VPS8: variants seen among roughly 807,000 people sequenced by gnomAD.
VPS8 encodes VPS8 subunit of CORVET complex, also known as vacuolar protein sorting-associated protein 8 homolog.
In VPS8, 129 loss-of-function variants were observed where a neutral mutation model predicts 216.4. That is an observed-to-expected ratio of 0.60 (90% CI 0.52 to 0.69). The LOEUF is 0.69. Among genes scored for constraint, VPS8 ranks in the 30% least tolerant of loss-of-function variants. The pLI is 0.00. For synonymous variants in VPS8, 571 were observed against 565.4 expected (o/e 1.01, Z -0.14); for missense variants, 1,531 against 1,683.5 (o/e 0.91, Z 1.59).
intron 46 of VPS8, among the ~76,000 whole-genome samples, chr3:185,028,160 G>A (rs1353423273): frequency 6.6e-6 from 1 of 151,920 alleles, no homozygotes; most frequent in Non-Finnish European, 1.5e-5. Context: ...TCTTAATTTG[G>A]GCCATTGACC....
At chr3:184,991,371 C>G (rs1323711334) in intron 42 of VPS8, among the ~76,000 whole-genome samples, 1 of 152,198 alleles carries the variant, frequency 6.6e-6, no homozygotes, top group Non-Finnish European at 1.5e-5. Context: ...ATTTGAAGAG[C>G]TAGTGGGTTG....
intron 15 of VPS8, among the ~76,000 whole-genome samples, chr3:184,861,029 A>G (rs1017395417): frequency 5.3e-5 from 8 of 152,040 alleles, no homozygotes; most frequent in Admixed American, 3.3e-4. Context: ...TCACCGTGTT[A>G]GCCAGGATGG....
intron 25 of VPS8, among the ~76,000 whole-genome samples, chr3:184,911,307 A>G (rs1736489524): frequency 1.3e-5 from 2 of 152,244 alleles, no homozygotes; most frequent in African/African-American, 2.4e-5. Flanking sequence ...GGAGATGGGT[A>G]AGTTAAACAA....
chr3:184,829,676 T>C (rs1168612873), intron 3 of VPS8, among the ~76,000 whole-genome samples: 1 of 152,234 alleles, frequency 6.6e-6, no homozygotes, highest in African/African-American at 2.4e-5. Flanking sequence ...ACTATATCCT[T>C]GTAAACGTTT....
At chr3:184,901,736 C>T (rs1291813761) in intron 25 of VPS8, among the ~76,000 whole-genome samples, 1 of 152,144 alleles carries the variant, frequency 6.6e-6, no homozygotes, top group Admixed American at 6.5e-5. Flanking sequence ...TTCTCTTACC[C>T]TCCATTCCTG....
rs1387093396 is a variant in VPS8, at chr3:184,996,501, G to A, written c.3836G>A (p.Ser1279Asn). The A allele has an allele frequency of 6.3e-7, 1 of 1,599,054 alleles. No individual in the cohort carries two copies. The change falls in exon 44 of 48, where the codon AGC (serine) becomes AAC (asparagine). Residue 1279 changes from serine (S) to asparagine (N), a missense_variant and splice_region_variant. This residue lies in a region of VPS8 where 1,318 missense variants were observed against 1,468.4 expected (regional missense o/e 0.90). Transcript: ENST00000625842. ...ATGGCTGATGAAATAATTGTCTTTA[G>A]GTAAGAAAGGGAAGGAAATGTTACA... The part of the protein sequence containing the change: ...QEMADEIIVF[S>N]CGHLYHSFCL...
At position 184,872,504 on chromosome 3, in the gene VPS8, TTAG is replaced by T. The variant is rs543324956; in HGVS notation, c.1734+1705_1734+1707del. The stretch of plus-strand genomic sequence containing the variant: ...AGAGATGCATTACTACTAACAGATG[TTAG>T]TAGTAATGTGCTCTGTAACCATCTA... On this transcript the variant is annotated intron_variant, in intron 21 of 47. Coordinates refer to ENST00000625842, the MANE Select transcript of VPS8 (RefSeq NM_001009921.3). 7.9e-5 allele frequency among the ~76,000 whole-genome samples: 12 copies of T among 152,114 alleles called. No individual in the cohort carries two copies. The South Asian group carries it at 2.3e-3, about 29-fold the overall frequency.
intron 46 of VPS8, 128 bp downstream of exon 46, chr3:185,024,517 A>G: frequency 9.2e-7 from 1 of 1,089,620 alleles, no homozygotes; most frequent in Non-Finnish European, 1.3e-6. Context: ...ATTTCTGATT[A>G]GATGCTTTAA....
chr3:184,890,326 A>T (rs1202301118), intron 22 of VPS8, among the ~76,000 whole-genome samples: 1 of 152,160 alleles, frequency 6.6e-6, no homozygotes, highest in Non-Finnish European at 1.5e-5. Flanking sequence ...CAGCTAGCCA[A>T]TTTCAGGTAA....
chr3:184,991,662 T>G (rs1017312656), intron 42 of VPS8, among the ~76,000 whole-genome samples: 2 of 152,166 alleles, frequency 1.3e-5, no homozygotes, highest in African/African-American at 4.8e-5. Context: ...TAGATTTTTC[T>G]AATAAGATAT....
chr3:184,898,472 G>C, intron 23 of VPS8, 93 bp from the exon 24 acceptor site: 1 of 968,522 alleles, frequency 1.0e-6, no homozygotes, highest in Non-Finnish European at 1.6e-6. Context: ...AAAAATTAGG[G>C]AAGAGCATTC....
At chr3:184,970,566 A>T (rs552271165) in intron 39 of VPS8, among the ~76,000 whole-genome samples, 1 of 152,372 alleles carries the variant, frequency 6.6e-6, no homozygotes, top group African/African-American at 2.4e-5. Flanking sequence ...TGAGGAAAAC[A>T]TGAACATGGA....
At chr3:185,035,756 C>T (rs77582309) in intron 46 of VPS8, among the ~76,000 whole-genome samples, 12,690 of 152,170 alleles carry the variant, frequency 0.083, 1,218 homozygotes, top group African/African-American at 0.23. Flanking sequence ...AAGTCCTAGC[C>T]AGAGCAGTCA....
chr3:184,973,948 G>C (rs532198202), intron 40 of VPS8, among the ~76,000 whole-genome samples: 88 of 152,138 alleles, frequency 5.8e-4, no homozygotes, highest in African/African-American at 2.0e-3. Flanking sequence ...TGCATCTGTT[G>C]ATTGACACTT....
intron 29 of VPS8, chr3:184,922,629 G>A (rs1312966175): frequency 6.4e-6 from 2 of 313,636 alleles, no homozygotes; most frequent in Non-Finnish European, 1.3e-5. Flanking sequence ...TTTATCTTGC[G>A]TCAATGAAGA....
intron 2 of VPS8, 27 bp downstream of exon 2, chr3:184,824,812 A>G (rs766539317): frequency 2.3e-5 from 36 of 1,573,130 alleles, no homozygotes; most frequent in South Asian, 3.5e-5. Flanking sequence ...CTGTCAAGTG[A>G]TAATGTTTAA....
chr3:184,962,724 AGTGTGTGTGTGTGTGTGT>A (rs10562348), intron 37 of VPS8, among the ~76,000 whole-genome samples: 62 of 145,908 alleles, frequency 4.2e-4, no homozygotes, highest in African/African-American at 1.4e-3. Context: ...TTAAGGCTTA[AGTGTGTGTGTGTGTGTGT>A]GTGTGTGTGT....
intron 45 of VPS8, among the ~76,000 whole-genome samples, chr3:185,001,744 C>T (rs1455952256): frequency 6.6e-6 from 1 of 152,214 alleles, no homozygotes; most frequent in Non-Finnish European, 1.5e-5. Flanking sequence ...CTTTCTGGCA[C>T]CTAGCCCTCA....
chr3:184,813,804 C>T (rs1186673382), intron 1 of VPS8: 1 of 152,160 alleles, frequency 6.6e-6, no homozygotes, highest in Non-Finnish European at 1.5e-5. Flanking sequence ...ACATTTCAAC[C>T]AGTGTGACAC....
Sources: allele counts gnomAD v4.1 joint callset (sites outside exome capture counted in the v4.1 genomes callset), GRCh38; gene constraint gnomAD v4.1.1; regional missense constraint gnomAD v4.1.1; transcripts MANE v1.5; gene names NCBI Gene and HGNC (gene_info 2026-07-23, HGNC 2026-07-21).